The following FBXO40 variants were observed in gnomAD, a reference collection of about 807,000 sequenced individuals.
FBXO40 encodes the protein F-box protein 40.
A neutral mutation model predicts 49.9 loss-of-function variants in FBXO40; 50 were observed. The ratio of observed to expected loss-of-function variants is 1.00; its 90% CI spans 0.80 to 1.27. The LOEUF is 1.27. Ranked by LOEUF, FBXO40 falls within the 50% of genes most tolerant of loss-of-function variation. The pLI is 0.00. For synonymous variants in FBXO40, 340 were observed against 320.2 expected (o/e 1.06, Z -0.66); for missense variants, 895 against 870.1 (o/e 1.03, Z -0.36).
At chr3:121,602,113 T>C (rs1224467341) in intron 1 of FBXO40, among the ~76,000 whole-genome samples, 1 of 152,210 alleles carries the variant, frequency 6.6e-6, no homozygotes, top group Non-Finnish European at 1.5e-5. Context: ...ACTTTTTCCT[T>C]TGCATCTGTG....
At chr3:121,603,909 G>A (rs1486692906) in intron 1 of FBXO40, among the ~76,000 whole-genome samples, 4 of 152,046 alleles carry the variant, frequency 2.6e-5, no homozygotes, top group Non-Finnish European at 1.5e-5. Flanking sequence ...TAGTAGAGAC[G>A]GGGTTTCACC....
Position 121,627,584 on chromosome 3 carries a change from C to G in FBXO40, c.*674C>G, listed in dbSNP as rs1469894248. ...CTGTTGCTAGAATCTTGGCAACATACAGCAGGAAAGCCTTGATAAATCGGG... is the reference window on the plus strand; with the variant it reads ...CTGTTGCTAGAATCTTGGCAACATAGAGCAGGAAAGCCTTGATAAATCGGG... On this transcript the variant is annotated 3_prime_UTR_variant, in exon 4 of 4. Transcript: ENST00000338040. 2.9e-6 allele frequency: 1 copy of G among 339,504 alleles called. No homozygotes were observed. Among genetic ancestry groups the G allele is most frequent in the East Asian group, 4.5e-5 (1 of 22,406 alleles). The allele number at this position is 339,504 out of a possible 1,614,324, so 21.0% of individuals were successfully genotyped here.
Position 121,628,066 on chromosome 3 carries a change from C to T in FBXO40, c.*1156C>T, listed in dbSNP as rs1576457901. 8 of 397,102 alleles carry T rather than the reference C, an allele frequency of 2.0e-5. No individual in the cohort carries two copies. The East Asian group carries it at 2.9e-4, about 14-fold the overall frequency. 24.6% of individuals were successfully genotyped at this position (397,102 alleles called of 1,614,324 possible). On this transcript the variant is annotated 3_prime_UTR_variant, in exon 4 of 4. Coordinates refer to ENST00000338040, the MANE Select transcript of FBXO40 (RefSeq NM_016298.4). ...TTTTTGGTAACAAACAGTGAATATTCATAAGAACAAAAGTAAAAGAAAAAA... is the reference window on the plus strand; with the variant it reads ...TTTTTGGTAACAAACAGTGAATATTTATAAGAACAAAAGTAAAAGAAAAAA...
Position 121,622,507 on chromosome 3 carries a change from C to A in FBXO40, c.1078C>A (p.Arg360=). ...FKVPVSYCGK[R]ARLGDAMLSC... The stretch of plus-strand genomic sequence containing the variant: ...AGTTCCTGTGAGCTACTGTGGAAAG[C>A]GAGCTCGACTTGGAGATGCCATGTT... Residue 360 remains arginine (R), a synonymous_variant, in exon 3 of 4, where the codon CGA becomes AGA. Transcript: ENST00000338040. 4 of 1,614,160 alleles carry A rather than the reference C, an allele frequency of 2.5e-6. No homozygotes were observed. Among genetic ancestry groups the A allele is most frequent in the Non-Finnish European group, 3.4e-6 (4 of 1,180,032 alleles).
chr3:121,626,967 T>C lies in FBXO40; in HGVS notation c.*57T>C, dbSNP rs972401899. The C allele has an allele frequency of 7.8e-6, 12 of 1,536,008 alleles. No homozygotes were observed. The African/African-American group carries it at 1.5e-4, about 19-fold the overall frequency. On this transcript the variant is annotated 3_prime_UTR_variant, in exon 4 of 4. Transcript: ENST00000338040. ...GGATTTCTTCTCGGAGTTCCTGAAGTAGGACAGAGTGTGTGGTTTTGAGGA... is the reference window on the plus strand; with the variant it reads ...GGATTTCTTCTCGGAGTTCCTGAAGCAGGACAGAGTGTGTGGTTTTGAGGA...
rs553003249 is a variant in FBXO40 at position 121,613,378 on chromosome 3, G to A, written c.-30-7168G>A. 2.0e-5 allele frequency among the ~76,000 whole-genome samples: 3 copies of A among 152,274 alleles called. No individual in the cohort carries two copies. In the East Asian group the frequency reaches 5.8e-4, roughly 29 times the overall value. On this transcript the variant is annotated intron_variant, in intron 1 of 3. Coordinates refer to ENST00000338040, the MANE Select transcript of FBXO40 (RefSeq NM_016298.4). ...CAGACCCATGGTCGCCTGAGGCAAT[G>A]CCACAAGGAACCCAGCGAAGAAAAG...
At chr3:121,602,343 A>C (rs2048904995) in intron 1 of FBXO40, among the ~76,000 whole-genome samples, 1 of 152,076 alleles carries the variant, frequency 6.6e-6, no homozygotes, top group South Asian at 2.1e-4. Context: ...CATCCATGAG[A>C]TCTATCATCC....
Position 121,622,088 on chromosome 3 carries a change from A to G in FBXO40, c.659A>G (p.Asn220Ser). 1 of 1,614,234 alleles carries G rather than the reference A, an allele frequency of 6.2e-7. No individual in the cohort carries two copies. Among genetic ancestry groups the G allele is most frequent in the Non-Finnish European group, 8.5e-7 (1 of 1,180,046 alleles). The change falls in exon 3 of 4, where the codon AAT becomes AGT. Residue 220 changes from asparagine to serine, a missense_variant. Physicochemically the swap from Asn to Ser is conservative, Grantham distance 46. Transcript: ENST00000338040. ...MDLVKFGQWE[N>S]IFSKEHAASA... ...CTGGTCAAGTTTGGCCAGTGGGAAA[A>G]TATTTTCAGCAAAGAGCACGCAGCC...
At chr3:121,619,470 T>C (rs2049017758) in intron 1 of FBXO40, among the ~76,000 whole-genome samples, 1 of 152,228 alleles carries the variant, frequency 6.6e-6, no homozygotes, top group Non-Finnish European at 1.5e-5. Context: ...TTTCCTTGGC[T>C]CAAATAGTGT....
At chr3:121,624,533 T>G (rs2049051649) in intron 3 of FBXO40, among the ~76,000 whole-genome samples, 1 of 152,154 alleles carries the variant, frequency 6.6e-6, no homozygotes, top group Non-Finnish European at 1.5e-5. Flanking sequence ...ACAGATTGCC[T>G]CAGCTGGCTC....
intron 2 of FBXO40, among the ~76,000 whole-genome samples, chr3:121,621,016 T>C (rs546119694): frequency 6.6e-5 from 10 of 152,324 alleles, no homozygotes; most frequent in African/African-American, 2.4e-4. Flanking sequence ...TACACTGCCA[T>C]TATGAAGAAA....
At position 121,626,690 on chromosome 3, in the gene FBXO40, A is replaced by G. The variant is rs755593192; in HGVS notation, c.1915-5A>G. On this transcript the variant is annotated splice_region_variant and splice_polypyrimidine_tract_variant and intron_variant, in intron 3 of 3. Coordinates refer to ENST00000338040, the MANE Select transcript of FBXO40 (RefSeq NM_016298.4). ...TCACCTTTGAACTTCTATCTTTCTC[A>G]ACAGATCTGGCAGTTCAGCAGCCTC... 5.0e-6 allele frequency: 8 copies of G among 1,613,750 alleles called. No homozygotes were observed. The highest frequency in any genetic ancestry group is 3.3e-5 in the Admixed American group (2 of 59,992).
At chr3:121,626,607 G>T in intron 3 of FBXO40, 88 bp from the exon 4 acceptor site, 1 of 1,144,766 alleles carries the variant, frequency 8.7e-7, no homozygotes, top group Non-Finnish European at 1.3e-6. Flanking sequence ...ATGAAGAACA[G>T]GAGGATATTT....
chr3:121,603,206 C>A (rs944585218), intron 1 of FBXO40, among the ~76,000 whole-genome samples: 1 of 152,174 alleles, frequency 6.6e-6, no homozygotes, highest in African/African-American at 2.4e-5. Context: ...TGATCCAGAC[C>A]CCAAGAGCAG....
Position 121,627,057 on chromosome 3 carries a change from C to T in FBXO40, c.*147C>T, listed in dbSNP as rs1391433148. The T allele has an allele frequency of 3.0e-6, 2 of 676,520 alleles. No individual in the cohort carries two copies. The highest frequency in any genetic ancestry group is 1.8e-5 in the African/African-American group (1 of 55,716). 41.9% of individuals were successfully genotyped at this position (676,520 alleles called of 1,614,324 possible). Reference sequence around the variant, plus strand: ...TTGGAACACGCAATGTCCTTCGAAACCTCAACACGAGGCCTAAGAATTTCC... The same window carrying T: ...TTGGAACACGCAATGTCCTTCGAAATCTCAACACGAGGCCTAAGAATTTCC... On this transcript the variant is annotated 3_prime_UTR_variant, in exon 4 of 4. Transcript: ENST00000338040.
At chr3:121,618,342 G>A (rs2049009794) in intron 1 of FBXO40, among the ~76,000 whole-genome samples, 1 of 151,210 alleles carries the variant, frequency 6.6e-6, no homozygotes, top group Non-Finnish European at 1.5e-5. Flanking sequence ...GAAGTACTTA[G>A]GGATAAAGCG....
chr3:121,599,242 C>T (rs1459795012), intron 1 of FBXO40, among the ~76,000 whole-genome samples: 3 of 151,972 alleles, frequency 2.0e-5, no homozygotes, highest in African/African-American at 4.8e-5. Flanking sequence ...CCGAGGTGGG[C>T]GGATCACCTG....
chr3:121,626,873 C>T lies in FBXO40; in HGVS notation c.2093C>T (p.Thr698Ile). The part of the protein sequence containing the change: ...REQARESLVS[T>I]FRIRPRGRYV... Reference sequence around the variant, plus strand: ...CAGGCCCGAGAGAGCTTAGTCTCCACCTTTAGAATCAGACCACGAGGAAGA... The same window carrying T: ...CAGGCCCGAGAGAGCTTAGTCTCCATCTTTAGAATCAGACCACGAGGAAGA... Residue 698 changes from threonine to isoleucine, a missense_variant, in exon 4 of 4, where the codon ACC (threonine) becomes ATC (isoleucine). Coordinates refer to ENST00000338040, the MANE Select transcript of FBXO40 (RefSeq NM_016298.4). 1 of 1,614,142 alleles carries T rather than the reference C, an allele frequency of 6.2e-7. No individual in the cohort carries two copies. Among genetic ancestry groups the T allele is most frequent in the Non-Finnish European group, 8.5e-7 (1 of 1,180,020 alleles).
chr3:121,604,943 T>G (rs1296689456), intron 1 of FBXO40, among the ~76,000 whole-genome samples: 3 of 62,364 alleles, frequency 4.8e-5, no homozygotes, highest in Non-Finnish European at 1.2e-4. Context: ...GCTTTATTTA[T>G]TTATTTATTT....
Sources: gnomAD v4.1 joint callset for allele counts (sites outside exome capture counted in the v4.1 genomes callset) on GRCh38, gnomAD v4.1.1 for gene constraint, MANE v1.5 for transcripts, NCBI Gene and HGNC (gene_info 2026-07-23, HGNC 2026-07-21) for gene names.